The following TRPS1 variants were observed in gnomAD, a reference collection of about 807,000 sequenced individuals.
TRPS1 encodes the protein transcriptional repressor GATA binding 1.
A neutral mutation model predicts 101.2 loss-of-function variants in TRPS1; 6 were observed. The ratio of observed to expected loss-of-function variants is 0.06; its 90% confidence interval spans 0.03 to 0.12. The LOEUF (loss-of-function observed/expected upper bound fraction) is 0.12. TRPS1 is among the 10% of genes least tolerant of loss of function. TRPS1 has a pLI of 1.00. For synonymous variants in TRPS1, 578 were observed against 589.8 expected, an observed-to-expected ratio of 0.98 and a Z score of 0.29; for missense variants, 1,363 against 1,567.0, an observed-to-expected ratio of 0.87 and a Z score of 2.20.
At chr8:115,667,028 T>G (rs1811937751) in intron 1 of TRPS1, among the ~76,000 whole-genome samples, 1 of 152,210 alleles carries the variant, frequency 6.6e-6, no homozygotes, top group Non-Finnish European at 1.5e-5. Context: ...GGCATAAGAA[T>G]GAATATTCTA....
intron 5 of TRPS1, among the ~76,000 whole-genome samples, chr8:115,560,603 A>C (rs879903270): frequency 3.3e-5 from 5 of 152,128 alleles, no homozygotes; most frequent in African/African-American, 1.2e-4. Context: ...AAATTTGTAC[A>C]TTGGTGTAAA....
At chr8:115,547,833 T>C (rs987381058) in intron 5 of TRPS1, among the ~76,000 whole-genome samples, 6 of 152,218 alleles carry the variant, frequency 3.9e-5, no homozygotes, top group African/African-American at 1.2e-4. Context: ...GTGAATTAAT[T>C]ACCTGAGAAC....
In TRPS1 at chr8:115,587,514, G is replaced by C; in HGVS notation, c.2187C>G (p.Cys729Trp). ...SLLEHFNTVH[C>W]QEQDITTANG... is the part of the protein sequence containing the mutation. The stretch of plus-strand genomic sequence containing the variant: ...TGGCTGTAGTGATGTCCTGTTCCTG[G>C]CAGTGAACAGTGTTGAAGTGCTCCA... The change falls in exon 5 of 7, where the codon TGC becomes TGG. Residue 729 changes from cysteine (C) to tryptophan (W), a missense_variant. This residue lies in a region of TRPS1 where 1,020 missense variants were observed against 1,073.0 expected (regional missense o/e 0.95). Transcript: ENST00000395715. The C allele has an allele frequency of 6.2e-7, 1 of 1,614,130 alleles. No homozygotes were observed. The highest frequency in any genetic ancestry group is 8.5e-7 in the Non-Finnish European group (1 of 1,180,014).
chr8:115,621,259 C>T (rs1263605789), intron 2 of TRPS1, among the ~76,000 whole-genome samples: 2 of 152,206 alleles, frequency 1.3e-5, no homozygotes, highest in African/African-American at 4.8e-5. Context: ...CTGTGTAAGT[C>T]ATCACCCCAA....
intron 1 of TRPS1, among the ~76,000 whole-genome samples, chr8:115,648,711 T>A (rs1448297928): frequency 6.6e-6 from 1 of 152,210 alleles, no homozygotes; most frequent in African/African-American, 2.4e-5. Flanking sequence ...TTTCTCTCGC[T>A]ACACTATCCA....
At chr8:115,515,423 T>C in intron 5 of TRPS1, 2 of 574,672 alleles carry the variant, frequency 3.5e-6, no homozygotes, top group Non-Finnish European at 6.2e-6. Context: ...AATCTCTTTT[T>C]CCTATGATTT....
At chr8:115,648,159 G>A (rs1016973470) in intron 1 of TRPS1, among the ~76,000 whole-genome samples, 1 of 152,136 alleles carries the variant, frequency 6.6e-6, no homozygotes, top group African/African-American at 2.4e-5. Context: ...ATGGAGAGAG[G>A]AAGCCAAGTT....
intron 5 of TRPS1, among the ~76,000 whole-genome samples, chr8:115,547,917 A>G (rs1816613068): frequency 6.6e-6 from 1 of 152,154 alleles, no homozygotes; most frequent in Non-Finnish European, 1.5e-5. Flanking sequence ...CTATTTTAAG[A>G]GAAAACTTCT....
chr8:115,421,963 T>C (rs1172929728), intron 5 of TRPS1, among the ~76,000 whole-genome samples: 1 of 152,170 alleles, frequency 6.6e-6, no homozygotes, highest in Non-Finnish European at 1.5e-5. Flanking sequence ...AAAACAAAGC[T>C]TGGCTTTAAC....
At chr8:115,596,542 C>T (rs1270443659) in intron 4 of TRPS1, among the ~76,000 whole-genome samples, 2 of 151,482 alleles carry the variant, frequency 1.3e-5, no homozygotes, top group African/African-American at 2.4e-5. Context: ...GAGATCTATG[C>T]GTGTGTAGAG....
At chr8:115,632,414 G>A (rs1484182954) in intron 1 of TRPS1, among the ~76,000 whole-genome samples, 4 of 152,000 alleles carry the variant, frequency 2.6e-5, no homozygotes, top group South Asian at 2.1e-4. Flanking sequence ...TGGATTAGAC[G>A]CCAAGAAACT....
chr8:115,457,158 G>T (rs1272741364), intron 5 of TRPS1, among the ~76,000 whole-genome samples: 1 of 152,166 alleles, frequency 6.6e-6, no homozygotes, highest in East Asian at 1.9e-4. Flanking sequence ...ACCAAAAACA[G>T]TTTTGATAAA....
At position 115,535,227 on chromosome 8, in the gene TRPS1, T is replaced by TATATATAGC. The variant is rs1554583772; in HGVS notation, c.2700+51765_2700+51773dup. Among the ~76,000 whole-genome samples, 808 of 118,840 alleles carry TATATATAGC rather than the reference T, an allele frequency of 6.8e-3. 36 individuals carry two copies. The highest frequency in any genetic ancestry group is 0.024 in the African/African-American group (757 of 31,210). 78.0% of individuals were successfully genotyped at this position (118,840 alleles called of 152,430 possible). Reference sequence around the variant, plus strand: ...GCATATGTATAGCATATATAGCATATATATATAGCATATATAGCATATATA... The same window carrying TATATATAGC: ...GCATATGTATAGCATATATAGCATATATATATAGCATATATAGCATATATAGCATATATA... On this transcript the variant is annotated intron_variant, in intron 5 of 6. Transcript: ENST00000395715.
At chr8:115,638,710 C>T (rs1818825807) in intron 1 of TRPS1, among the ~76,000 whole-genome samples, 1 of 152,106 alleles carries the variant, frequency 6.6e-6, no homozygotes, top group African/African-American at 2.4e-5. Context: ...TAACCAAAAC[C>T]AACAGTGGTT....
rs190720116 is a variant in TRPS1 at position 115,478,987 on chromosome 8, A to G, written c.2701-60535T>C. On this transcript the variant is annotated intron_variant, in intron 5 of 6. Coordinates refer to ENST00000395715, the MANE Select transcript of TRPS1 (RefSeq NM_014112.5). ...TGTGTATATATGTATATATATGTAT[A>G]TATGTATTTACATATTATTCAGCTA... Among the ~76,000 whole-genome samples, 13 of 149,974 alleles carry G rather than the reference A, an allele frequency of 8.7e-5. No individual in the cohort carries two copies. In the East Asian group the frequency reaches 2.5e-3, roughly 29 times the overall value.
chr8:115,427,614 A>T (rs1813218166), intron 5 of TRPS1, among the ~76,000 whole-genome samples: 1 of 152,118 alleles, frequency 6.6e-6, no homozygotes, highest in South Asian at 2.1e-4. Flanking sequence ...TTCAGGCCTT[A>T]TTACTAAAGA....
At chr8:115,426,754 T>C (rs1044251930) in intron 5 of TRPS1, among the ~76,000 whole-genome samples, 9 of 152,222 alleles carry the variant, frequency 5.9e-5, no homozygotes, top group Non-Finnish European at 7.3e-5. Context: ...TCACAAAATG[T>C]ATCCAAAGAT....
chr8:115,452,591 C>T (rs149205364), intron 5 of TRPS1, among the ~76,000 whole-genome samples: 10 of 152,246 alleles, frequency 6.6e-5, no homozygotes, highest in East Asian at 3.9e-4. Flanking sequence ...GATGTGATAA[C>T]GTTCAAACTG....
intron 5 of TRPS1, among the ~76,000 whole-genome samples, chr8:115,462,637 CTCTCTT>C (rs1421490990): frequency 4.8e-4 from 33 of 68,572 alleles, no homozygotes; most frequent in Admixed American, 1.4e-3. Flanking sequence ...CTCTCTCTCT[CTCTCTT>C]TTTTTTTTTT....
Sources: gnomAD v4.1 joint callset for allele counts (sites outside exome capture counted in the v4.1 genomes callset) on GRCh38, gnomAD v4.1.1 for gene constraint, gnomAD v4.1.1 regional missense constraint, MANE v1.5 for transcripts, NCBI Gene and HGNC (gene_info 2026-07-23, HGNC 2026-07-21) for gene names.